NLRP4: variants seen among roughly 807,000 people sequenced by gnomAD.
NLRP4 encodes the protein NACHT, LRR and PYD domains-containing protein 4.
In NLRP4, 44 loss-of-function variants were observed where a neutral mutation model predicts 84.7. The observed-to-expected ratio is 0.52, with a 90% CI of 0.41 to 0.67. The LOEUF is 0.67. Ranked by LOEUF, NLRP4 falls within the 30% of genes least tolerant of loss-of-function variation. The pLI is 0.00. For synonymous variants in NLRP4, 544 were observed against 476.4 expected, an observed-to-expected ratio of 1.14 and a Z score of -1.85; for missense variants, 1,260 against 1,219.4, an observed-to-expected ratio of 1.03 and a Z score of -0.50.
chr19:55,877,823 C>G (rs563905562), intron 8 of NLRP4, among the ~76,000 whole-genome samples: 7 of 152,268 alleles, frequency 4.6e-5, no homozygotes, highest in African/African-American at 1.7e-4. Context: ...TAGAATCCCC[C>G]CAGTGTCCTC....
intron 7 of NLRP4, 34 bp downstream of exon 7, chr19:55,871,031 C>T (rs540315436): frequency 2.7e-5 from 43 of 1,603,008 alleles, no homozygotes; most frequent in South Asian, 2.3e-4. Context: ...AAGACCAAGC[C>T]GTCTTTTCAA....
rs1288654571 is a variant in NLRP4 at position 55,878,942 on chromosome 19, G to C, written c.2845G>C (p.Glu949Gln). ...VVLCEALRHP[E>Q]CALQVLGLRK... Reference sequence around the variant, plus strand: ...ACTCTGTGAGGCCCTGAGACACCCAGAGTGTGCCCTGCAGGTGCTCGGGTG... The same window carrying C: ...ACTCTGTGAGGCCCTGAGACACCCACAGTGTGCCCTGCAGGTGCTCGGGTG... Residue 949 changes from glutamate (E) to glutamine (Q), a missense_variant, in exon 9 of 10, where the codon GAG becomes CAG. This residue lies in a region of NLRP4 where 544 missense variants were observed against 531.7 expected (regional missense o/e 1.02). Transcript: ENST00000301295. The C allele has an allele frequency of 6.2e-7, 1 of 1,613,592 alleles. No homozygotes were observed. Among genetic ancestry groups the C allele is most frequent in the Non-Finnish European group, 8.5e-7 (1 of 1,179,694 alleles).
At chr19:55,868,442 T>TA (rs2123053165) in intron 6 of NLRP4, among the ~76,000 whole-genome samples, 1 of 151,916 alleles carries the variant, frequency 6.6e-6, no homozygotes, top group South Asian at 2.1e-4. Flanking sequence ...GGAATTCTAA[T>TA]ACCTTTAGGT....
At position 55,857,772 on chromosome 19, in the gene NLRP4, G is replaced by T; in HGVS notation, c.379G>T (p.Val127Phe). The change falls in exon 3 of 10, where the codon GTC (valine) becomes TTC (phenylalanine). Residue 127 changes from valine to phenylalanine, a missense_variant. This residue lies in a region of NLRP4 where 712 missense variants were observed against 669.2 expected (regional missense o/e 1.06). Transcript: ENST00000301295. ...TEIHLYFEEE[V>F]KQEECDHLDR... ...GATTCACCTATACTTTGAGGAGGAA[G>T]TCAAGCAAGAAGAATGTGACCATTT... is the stretch of plus-strand genomic sequence containing the variant. 6.2e-7 allele frequency: 1 copy of T among 1,614,090 alleles called. No individual in the cohort carries two copies. Among genetic ancestry groups the T allele is most frequent in the Non-Finnish European group, 8.5e-7 (1 of 1,179,962 alleles).
chr19:55,867,446 A>G (rs576980790), intron 5 of NLRP4, among the ~76,000 whole-genome samples: 1 of 150,728 alleles, frequency 6.6e-6, no homozygotes, highest in Admixed American at 6.6e-5. Flanking sequence ...GCATACGTAT[A>G]ACTGAGATGG....
intron 3 of NLRP4, among the ~76,000 whole-genome samples, chr19:55,859,984 T>C (rs1387127568): frequency 2.8e-5 from 4 of 141,582 alleles, no homozygotes; most frequent in Admixed American, 2.1e-4. Context: ...TTTCTTCTTG[T>C]TCTTTTTTTT....
intron 9 of NLRP4, among the ~76,000 whole-genome samples, chr19:55,881,188 T>A (rs1475644917): frequency 6.9e-6 from 1 of 145,182 alleles, no homozygotes; most frequent in African/African-American, 2.5e-5. Flanking sequence ...TAACTCTGTT[T>A]AGTGACAGCA....
rs775099869 is a variant in NLRP4, at chr19:55,870,896, C to T, written c.2424C>T (p.Ser808=). 6.2e-6 allele frequency: 10 copies of T among 1,613,806 alleles called. No homozygotes were observed. The highest frequency in any genetic ancestry group is 4.5e-5 in the East Asian group (2 of 44,898). The change falls in exon 7 of 10, where the codon AGC becomes AGT. Residue 808 remains serine, a synonymous_variant. Transcript: ENST00000301295. Reference sequence around the variant, plus strand: ...CTGAAATGCTTCTGCGTAACAAGAGCGTGCGCTATCTAGACCTCAGTGCCA... The same window carrying T: ...CTGAAATGCTTCTGCGTAACAAGAGTGTGCGCTATCTAGACCTCAGTGCCA... ...YISEMLLRNK[S]VRYLDLSANV... is the part of the protein sequence containing the mutation.
At position 55,843,149 on chromosome 19, in the gene NLRP4, C is replaced by T. The variant is rs574450382; in HGVS notation, c.-66+6215C>T. On this transcript the variant is annotated intron_variant, in intron 1 of 9. Transcript: ENST00000301295. ...TGCATGGTTGCTTCTTTAGTTTCTTCTTTCTGTAGCACCTGATCAGGTCAG... is the reference window on the plus strand; with the variant it reads ...TGCATGGTTGCTTCTTTAGTTTCTTTTTTCTGTAGCACCTGATCAGGTCAG... Among the ~76,000 whole-genome samples the T allele has an allele frequency of 2.6e-5, 4 of 152,302 alleles. No individual in the cohort carries two copies. The South Asian group carries it at 8.3e-4, about 32-fold the overall frequency.
Position 55,837,541 on chromosome 19 carries a change from T to G in NLRP4, c.-66+607T>G, listed in dbSNP as rs57751644. On this transcript the variant is annotated intron_variant, in intron 1 of 9. Coordinates refer to ENST00000301295, the MANE Select transcript of NLRP4 (RefSeq NM_134444.5). ...TATGAAACGTATATAGAAAGAATAT[T>G]TATCTTTCTATATCAATAAAAGTTG... Among the ~76,000 whole-genome samples the G allele has an allele frequency of 5.3e-5, 8 of 152,116 alleles. No homozygotes were observed. The East Asian group carries it at 1.5e-3, about 29-fold the overall frequency.
chr19:55,869,688 G>A (rs981124956), intron 6 of NLRP4, among the ~76,000 whole-genome samples: 6 of 151,968 alleles, frequency 3.9e-5, no homozygotes, highest in Non-Finnish European at 7.4e-5. Context: ...CTAAATATCC[G>A]TAGGCCATAT....
At position 55,849,833 on chromosome 19, in the gene NLRP4, GCTGCGGTGTAATTTCCGAGA is replaced by G. The variant is rs1568657850; in HGVS notation, c.-65-2165_-65-2146del. Among the ~76,000 whole-genome samples, 188 of 149,608 alleles carry G rather than the reference GCTGCGGTGTAATTTCCGAGA, an allele frequency of 1.3e-3. 4 individuals carry two copies. The highest frequency in any genetic ancestry group is 6.0e-3 in the South Asian group (28 of 4,694). ...CCAAAGCTGCGGTGTAATTTCCGAAGCTGCGGTGTAATTTCCGAGACTGCGGTGTAATTTCCGTGGCCGCG... is the reference window on the plus strand; with the variant it reads ...CCAAAGCTGCGGTGTAATTTCCGAAGCTGCGGTGTAATTTCCGTGGCCGCG... On this transcript the variant is annotated intron_variant, in intron 1 of 9. Transcript: ENST00000301295.
rs1199518416 is a variant in NLRP4, at chr19:55,859,027, A to G, written c.1634A>G (p.Gln545Arg). 1.2e-6 allele frequency: 2 copies of G among 1,614,114 alleles called. No homozygotes were observed. The highest frequency in any genetic ancestry group is 1.3e-5 in the African/African-American group (1 of 75,042). ...AGCTTAGGGGAGCGTGGCAATCCTC[A>G]GGGACAGGTGGATTCCTTGGCGATA... ...LKSLGERGNP[Q>R]GQVDSLAIFY... Residue 545 changes from glutamine to arginine, a missense_variant, in exon 3 of 10, where the codon CAG becomes CGG. Gln to Arg is a conservative substitution (Grantham distance 43, BLOSUM62 1). Transcript: ENST00000301295.
At position 55,842,948 on chromosome 19, in the gene NLRP4, A is replaced by AT. The variant is rs543047902; in HGVS notation, c.-66+6015dup. 9.3e-4 allele frequency among the ~76,000 whole-genome samples: 142 copies of AT among 152,006 alleles called. 2 individuals are homozygous for AT. Among genetic ancestry groups the AT allele is most frequent in the Non-Finnish European group, 1.7e-3 (114 of 67,992 alleles). ...CTAATTTTTTGTGTATTTAGTAGAG[A>AT]TGGGGTTTCACCGTGTTAGCCAGGA... On this transcript the variant is annotated intron_variant, in intron 1 of 9. Coordinates refer to ENST00000301295, the MANE Select transcript of NLRP4 (RefSeq NM_134444.5).
rs563425571 is a variant in NLRP4, at chr19:55,837,642, T to C, written c.-66+708T>C. Among the ~76,000 whole-genome samples, 29 of 141,874 alleles carry C rather than the reference T, an allele frequency of 2.0e-4. No homozygotes were observed. In the South Asian group the frequency reaches 5.8e-3, roughly 29 times the overall value. The allele number at this position is 141,874 out of a possible 152,430, so 93.1% of individuals were successfully genotyped here. A position where few individuals can be genotyped will look rare whatever the true frequency, so the allele number is the denominator to read the frequency against. On this transcript the variant is annotated intron_variant, in intron 1 of 9. Transcript: ENST00000301295. ...CACACACAAAGTCCTAACCCCTTTA[T>C]AGGGTGACAAAATAAGGTTGTTGCA...
Position 55,861,645 on chromosome 19 carries a change from T to C in NLRP4, c.2018+98T>C, listed in dbSNP as rs1013640152. ...CGAGGCTAACTGCACAAGCAAAGAA[T>C]TAACATCCAGAGCAGTTGCTCAACC... On this transcript the variant is annotated intron_variant, in intron 4 of 9. Coordinates refer to ENST00000301295, the MANE Select transcript of NLRP4 (RefSeq NM_134444.5). 6.1e-6 allele frequency: 7 copies of C among 1,151,580 alleles called. No individual in the cohort carries two copies. The African/African-American group carries it at 1.1e-4, about 18-fold the overall frequency. 71.3% of individuals were successfully genotyped at this position (1,151,580 alleles called of 1,614,324 possible).
At chr19:55,865,850 A>AT (rs1984933672) in intron 5 of NLRP4, among the ~76,000 whole-genome samples, 1 of 151,982 alleles carries the variant, frequency 6.6e-6, no homozygotes, top group Admixed American at 6.6e-5. Context: ...CTTTGTGAAT[A>AT]TTTTTTGCCA....
At position 55,850,272 on chromosome 19, in the gene NLRP4, A is replaced by T. The variant is rs76342989; in HGVS notation, c.-65-1744A>T. On this transcript the variant is annotated intron_variant, in intron 1 of 9. Transcript: ENST00000301295. ...TTCCGAGGCTGCGGTGTAATTTCCG[A>T]GGCTGCGGTGTAATGTCCGTGGCTG... Among the ~76,000 whole-genome samples the T allele has an allele frequency of 6.4e-3, 306 of 47,824 alleles. 1 individual carries two copies. The highest frequency in any genetic ancestry group is 0.018 in the Admixed American group (77 of 4,232). The allele number at this position is 47,824 out of a possible 152,430, so 31.4% of individuals were successfully genotyped here.
intron 1 of NLRP4, among the ~76,000 whole-genome samples, chr19:55,850,194 G>A (rs796381788): frequency 2.5e-5 from 3 of 122,328 alleles, no homozygotes; most frequent in Admixed American, 2.2e-4. Context: ...AATTTCCGTG[G>A]CTGCGGTGTA....
Sources: allele counts gnomAD v4.1 joint callset (sites outside exome capture counted in the v4.1 genomes callset), GRCh38; gene constraint gnomAD v4.1.1; regional missense constraint gnomAD v4.1.1; transcripts MANE v1.5; gene names NCBI Gene and HGNC (gene_info 2026-07-23, HGNC 2026-07-21).